The following SLC14A2 variants were observed in gnomAD, a reference collection of about 807,000 sequenced individuals.
The protein encoded by SLC14A2 is solute carrier family 14 member 2.
SLC14A2 carries 91 observed loss-of-function variants against 104.6 expected under a neutral mutation model. The observed-to-expected ratio is 0.87, with a 90% CI of 0.73 to 1.04. The LOEUF (loss-of-function observed/expected upper bound fraction) is 1.04, where lower values mean the gene tolerates loss of function less well. SLC14A2 is among the 50% of genes least tolerant of loss of function. The pLI is 0.00. For synonymous variants in SLC14A2, 476 were observed against 466.4 expected (o/e 1.02, Z -0.27); for missense variants, 1,189 against 1,156.0 (o/e 1.03, Z -0.41).
intron 1 of SLC14A2, among the ~76,000 whole-genome samples, chr18:45,437,045 C>T (rs553022481): frequency 1.3e-5 from 2 of 152,294 alleles, no homozygotes; most frequent in South Asian, 4.1e-4. Flanking sequence ...AAGCGCTCTT[C>T]CCACTGCCTG....
At chr18:45,188,775 T>G in the SLC14A2 span, among the ~76,000 whole-genome samples, 7,366 of 152,254 alleles carry the variant, frequency 0.048, 230 homozygotes, top group Non-Finnish European at 0.074. Context: ...CAGCCAGACC[T>G]AGGAAATTCC....
At chr18:45,275,800 A>G (rs2084696266) in intron 1 of SLC14A2, among the ~76,000 whole-genome samples, 1 of 152,226 alleles carries the variant, frequency 6.6e-6, no homozygotes, top group South Asian at 2.1e-4. Flanking sequence ...TTGGAGATCA[A>G]AATCCCTGTC....
At chr18:45,651,135 A>C (rs1479351824) in intron 10 of SLC14A2, among the ~76,000 whole-genome samples, 1 of 152,162 alleles carries the variant, frequency 6.6e-6, no homozygotes, top group Non-Finnish European at 1.5e-5. Context: ...GTTCAACTGT[A>C]AACAGTCCTG....
At chr18:45,555,542 C>T (rs1205980665) in intron 2 of SLC14A2, among the ~76,000 whole-genome samples, 1 of 152,230 alleles carries the variant, frequency 6.6e-6, no homozygotes, top group Non-Finnish European at 1.5e-5. Flanking sequence ...TCAACAGACT[C>T]TTCATGGCTG....
chr18:45,456,579 A>G (rs2086947578), intron 1 of SLC14A2, among the ~76,000 whole-genome samples: 2 of 152,208 alleles, frequency 1.3e-5, no homozygotes, highest in African/African-American at 4.8e-5. Flanking sequence ...GCCAGCTCTA[A>G]GAGAGCAATG....
At chr18:45,584,973 G>A (rs556706817) in intron 2 of SLC14A2, among the ~76,000 whole-genome samples, 1 of 152,264 alleles carries the variant, frequency 6.6e-6, no homozygotes, top group South Asian at 2.1e-4. Context: ...AATAGTCTGT[G>A]GGCAAGTCAA....
chr18:45,442,437 T>C (rs2086695328), intron 1 of SLC14A2, among the ~76,000 whole-genome samples: 1 of 152,190 alleles, frequency 6.6e-6, no homozygotes. Context: ...CTGGCAATCT[T>C]TGACTTTCGT....
intron 2 of SLC14A2, among the ~76,000 whole-genome samples, chr18:45,497,050 A>C (rs965625538): frequency 1.3e-5 from 2 of 152,160 alleles, no homozygotes; most frequent in Non-Finnish European, 2.9e-5. Flanking sequence ...CCCAGCTTGC[A>C]GACAGCCTAT....
intron 1 of SLC14A2, among the ~76,000 whole-genome samples, chr18:45,292,195 G>T (rs1375407675): frequency 6.6e-6 from 1 of 152,156 alleles, no homozygotes; most frequent in Non-Finnish European, 1.5e-5. Flanking sequence ...GTCTTTTGCG[G>T]CAACCCCTGT....
intron 1 of SLC14A2, among the ~76,000 whole-genome samples, chr18:45,244,818 ACT>A (rs1021662665): frequency 1.3e-5 from 2 of 151,996 alleles, no homozygotes; most frequent in Admixed American, 6.6e-5. Context: ...ACAGTTTTAA[ACT>A]CTCTAAAATT....
chr18:45,209,538 C>T (rs1373002723), upstream of SLC14A2, among the ~76,000 whole-genome samples: 2 of 144,172 alleles, frequency 1.4e-5, no homozygotes, highest in East Asian at 2.0e-4. Context: ...TAGAATCACC[C>T]CTTCCTTTTT....
intron 2 of SLC14A2, among the ~76,000 whole-genome samples, chr18:45,590,079 C>T (rs1469763965): frequency 6.6e-6 from 1 of 152,188 alleles, no homozygotes; most frequent in Non-Finnish European, 1.5e-5. Context: ...GCGCATGAGA[C>T]TCCAGCAATT....
chr18:45,269,200 G>A (rs2084625332), intron 1 of SLC14A2, among the ~76,000 whole-genome samples: 1 of 152,026 alleles, frequency 6.6e-6, no homozygotes, highest in African/African-American at 2.4e-5. Flanking sequence ...AAAGCAGAGT[G>A]GATAGGCTGG....
intron 1 of SLC14A2, among the ~76,000 whole-genome samples, chr18:45,304,845 C>T (rs1037602221): frequency 1.2e-4 from 18 of 152,192 alleles, no homozygotes; most frequent in Admixed American, 2.6e-4. Flanking sequence ...GAACCCTCTC[C>T]GAGTGAAAGC....
chr18:45,309,677 T>A (rs535755129), intron 1 of SLC14A2, among the ~76,000 whole-genome samples: 25 of 152,160 alleles, frequency 1.6e-4, no homozygotes, highest in African/African-American at 4.3e-4. Flanking sequence ...TTTTCTTTTT[T>A]AAAAAAAATT....
chr18:45,505,129 A>G (rs1388461691), intron 2 of SLC14A2, among the ~76,000 whole-genome samples: 1 of 152,216 alleles, frequency 6.6e-6, no homozygotes. Flanking sequence ...TAAACAGCAA[A>G]GCAAATCGGA....
chr18:45,581,673 C>G (rs932711094), intron 2 of SLC14A2, among the ~76,000 whole-genome samples: 8 of 152,162 alleles, frequency 5.3e-5, no homozygotes, highest in African/African-American at 1.9e-4. Context: ...TCTACTCACA[C>G]AGTTGTTGGG....
the SLC14A2 span, among the ~76,000 whole-genome samples, chr18:45,173,895 G>A: frequency 1.3e-5 from 2 of 152,074 alleles, no homozygotes; most frequent in Non-Finnish European, 2.9e-5. Context: ...CAAAAGTAGT[G>A]CAACCTGTCT....
intron 1 of SLC14A2, among the ~76,000 whole-genome samples, chr18:45,460,864 T>C (rs1163988807): frequency 6.6e-6 from 1 of 152,344 alleles, no homozygotes; most frequent in African/African-American, 2.4e-5. Flanking sequence ...CTCCTGGGTT[T>C]CACAGTGTGA....
Sources: allele counts gnomAD v4.1 joint callset (sites outside exome capture counted in the v4.1 genomes callset), GRCh38; gene constraint gnomAD v4.1.1; transcripts MANE v1.5; gene names NCBI Gene and HGNC (gene_info 2026-07-23, HGNC 2026-07-21).